The following PINX1 variants were observed in gnomAD, a reference collection of about 807,000 sequenced individuals.
The protein encoded by PINX1 is PIN2/TERF1-interacting telomerase inhibitor 1.
In PINX1, 34 loss-of-function variants were observed where a neutral mutation model predicts 25.4. That is an observed-to-expected ratio of 1.34 (90% CI 1.02 to 1.78). The LOEUF is 1.78. PINX1 is among the 40% of genes most tolerant of loss of function. The pLI, the probability that PINX1 is intolerant of heterozygous loss-of-function variation, is 0.00. For synonymous variants in PINX1, 197 were observed against 147.7 expected (o/e 1.33, Z -2.42); for missense variants, 592 against 404.9 (o/e 1.46, Z -3.97).
Position 10,765,558 on chromosome 8 carries a change from G to A in PINX1, c.830C>T (p.Ala277Val), listed in dbSNP as rs756750044. 15 of 1,613,638 alleles carry A rather than the reference G, an allele frequency of 9.3e-6. 1 individual carries two copies. In the South Asian group the frequency reaches 1.4e-4, roughly 15 times the overall value. The change falls in exon 7 of 7, where the codon GCA (alanine) becomes GTA (valine). Residue 277 changes from alanine to valine, a missense_variant. By Grantham distance (64) the Ala-to-Val change is moderately conservative (BLOSUM62 0). Coordinates refer to ENST00000314787, the MANE Select transcript of PINX1 (RefSeq NM_017884.6). ...CTCAGGCGGCTGCACATGGTCCCCT[G>A]CATCCTGAGCAGAGGCCTTGGAACT... ...DQSSKASAQD[A>V]GDHVQPPEGR...
chr8:10,785,860 T>C (rs1801731453), intron 6 of PINX1, among the ~76,000 whole-genome samples: 1 of 152,264 alleles, frequency 6.6e-6, no homozygotes, highest in South Asian at 2.1e-4. Flanking sequence ...AATAGTGTAC[T>C]GAGAATAGTT....
chr8:10,801,251 G>A (rs1404444460), intron 6 of PINX1, among the ~76,000 whole-genome samples: 1 of 152,196 alleles, frequency 6.6e-6, no homozygotes, highest in African/African-American at 2.4e-5. Context: ...GATGGCTTAC[G>A]AAAGCGTGCT....
intron 6 of PINX1, among the ~76,000 whole-genome samples, chr8:10,777,087 T>G (rs1262268548): frequency 6.6e-6 from 1 of 152,172 alleles, no homozygotes; most frequent in African/African-American, 2.4e-5. Flanking sequence ...CCAAATCTAA[T>G]CCTTTCAGGC....
At chr8:10,817,490 C>A (rs927984910) in intron 6 of PINX1, among the ~76,000 whole-genome samples, 2 of 152,196 alleles carry the variant, frequency 1.3e-5, no homozygotes, top group Non-Finnish European at 2.9e-5. Context: ...GCAAACTTAA[C>A]ATATGAACAT....
At chr8:10,786,003 C>T (rs1801736487) in intron 6 of PINX1, among the ~76,000 whole-genome samples, 2 of 152,182 alleles carry the variant, frequency 1.3e-5, no homozygotes, top group African/African-American at 4.8e-5. Context: ...ATGTGGCGAG[C>T]GCAGAGCTAG....
intron 6 of PINX1, among the ~76,000 whole-genome samples, chr8:10,814,978 G>A (rs1784818279): frequency 6.6e-6 from 1 of 152,116 alleles, no homozygotes; most frequent in Non-Finnish European, 1.5e-5. Context: ...CTCACTCTGT[G>A]ACCCAGGCTG....
intron 6 of PINX1, among the ~76,000 whole-genome samples, chr8:10,788,191 C>T (rs956133986): frequency 6.6e-6 from 1 of 152,150 alleles, no homozygotes; most frequent in Non-Finnish European, 1.5e-5. Flanking sequence ...AAGCTGGGTA[C>T]TGGGCACAGA....
intron 6 of PINX1, among the ~76,000 whole-genome samples, chr8:10,812,307 G>C (rs748653774): frequency 6.6e-6 from 1 of 152,178 alleles, no homozygotes; most frequent in Non-Finnish European, 1.5e-5. Flanking sequence ...TTGTGGTCGA[G>C]GAAAACGTAA....
At chr8:10,819,168 A>T (rs1373692381) in intron 6 of PINX1, among the ~76,000 whole-genome samples, 1 of 152,232 alleles carries the variant, frequency 6.6e-6, no homozygotes, top group Non-Finnish European at 1.5e-5. Flanking sequence ...GACAGGGGCT[A>T]AAAGACCCAG....
intron 6 of PINX1, among the ~76,000 whole-genome samples, chr8:10,795,543 G>T (rs914325744): frequency 7.6e-4 from 115 of 152,198 alleles, no homozygotes; most frequent in African/African-American, 2.6e-3. Context: ...TGGGACTACA[G>T]GCACACACTA....
chr8:10,790,859 T>G (rs1177519104), intron 6 of PINX1, among the ~76,000 whole-genome samples: 1 of 152,074 alleles, frequency 6.6e-6, no homozygotes, highest in African/African-American at 2.4e-5. Context: ...ACAAACAGTC[T>G]ATACTCCCTG....
Position 10,774,704 on chromosome 8 carries a change from G to C in PINX1, c.472-8788C>G, listed in dbSNP as rs764587268. The stretch of plus-strand genomic sequence containing the variant: ...AAGAAAGGTAAATTAGGTGAATATA[G>C]TTGACTAACAAAAAAAGTCTCGTCT... On this transcript the variant is annotated intron_variant, in intron 6 of 6. Transcript: ENST00000314787. Among the ~76,000 whole-genome samples the C allele has an allele frequency of 2.6e-5, 4 of 152,188 alleles. No homozygotes were observed. The East Asian group carries it at 7.7e-4, about 29-fold the overall frequency.
At chr8:10,836,309 G>A (rs765905167) in intron 1 of PINX1, among the ~76,000 whole-genome samples, 2 of 152,002 alleles carry the variant, frequency 1.3e-5, no homozygotes, top group East Asian at 3.8e-4. Flanking sequence ...ACCCAAAAAT[G>A]TTCCATCTAA....
At chr8:10,792,372 G>A (rs751783100) in intron 6 of PINX1, among the ~76,000 whole-genome samples, 2 of 152,092 alleles carry the variant, frequency 1.3e-5, no homozygotes, top group Non-Finnish European at 1.5e-5. Flanking sequence ...ACCCACCTGA[G>A]AGGGAGATGC....
chr8:10,803,426 A>G (rs1228853187), intron 6 of PINX1, among the ~76,000 whole-genome samples: 5 of 152,202 alleles, frequency 3.3e-5, no homozygotes, highest in Admixed American at 6.5e-5. Context: ...TAAAGCCTAC[A>G]CTAGCGCATG....
chr8:10,839,600 GGC>G, intron 1 of PINX1, 136 bp downstream of exon 1: 2 of 846,372 alleles, frequency 2.4e-6, no homozygotes, highest in Non-Finnish European at 3.8e-6. Context: ...ATCAGAGCCG[GGC>G]TCGGCTCCCC....
intron 6 of PINX1, among the ~76,000 whole-genome samples, chr8:10,818,823 T>G (rs1797779116): frequency 6.6e-6 from 1 of 152,062 alleles, no homozygotes; most frequent in Admixed American, 6.6e-5. Context: ...TAGTTCTTCC[T>G]GAGGACACGG....
chr8:10,784,517 T>A (rs1801688527), intron 6 of PINX1, among the ~76,000 whole-genome samples: 2 of 152,168 alleles, frequency 1.3e-5, no homozygotes, highest in South Asian at 4.1e-4. Context: ...TTAGAAAGGG[T>A]GCTGACATGA....
intron 5 of PINX1, among the ~76,000 whole-genome samples, chr8:10,821,655 G>A (rs1305144500): frequency 7.2e-5 from 11 of 152,204 alleles, no homozygotes; most frequent in Admixed American, 5.2e-4. Context: ...CAAACTCATC[G>A]GAGGTGTAGA....
Sources: allele counts gnomAD v4.1 joint callset (sites outside exome capture counted in the v4.1 genomes callset), GRCh38; gene constraint gnomAD v4.1.1; transcripts MANE v1.5; gene names NCBI Gene and HGNC (gene_info 2026-07-23, HGNC 2026-07-21).